Variants in LSM12 observed in about 807,000 individuals in gnomAD.
The protein encoded by LSM12 is protein LSM12.
For missense variants in LSM12, 108 were observed against 238.9 expected (o/e 0.45, Z 3.61); for synonymous variants, 74 against 87.3 (o/e 0.85, Z 0.85).
In LSM12 at chr17:44,054,984, G is replaced by A. The variant is rs1199889090; in HGVS notation, c.258+8817C>T. Among the ~76,000 whole-genome samples the A allele has an allele frequency of 2.6e-5, 4 of 151,822 alleles. No homozygotes were observed. In the South Asian group the frequency reaches 6.2e-4, roughly 24 times the overall value. On this transcript the variant is annotated intron_variant, in intron 2 of 4. Transcript: ENST00000293406. ...CTCCCAAGCAGCTGGGACTACAGGC[G>A]TGTGCCACCACGCCCGGCTAATTTT...
intron 2 of LSM12, 29 bp downstream of exon 2, chr17:44,063,772 G>A: frequency 6.3e-7 from 1 of 1,595,238 alleles, no homozygotes; most frequent in Non-Finnish European, 8.6e-7. Context: ...CACCATTTTA[G>A]AGAGCCAGAT....
chr17:44,055,434 G>A (rs2144100790), intron 2 of LSM12, among the ~76,000 whole-genome samples: 1 of 150,620 alleles, frequency 6.6e-6, no homozygotes, highest in East Asian at 2.0e-4. Context: ...GGCTGAGGTG[G>A]GTGGATCATC....
upstream of LSM12, chr17:44,067,297 C>T (rs2144123965): frequency 6.6e-6 from 1 of 152,446 alleles, no homozygotes; most frequent in Admixed American, 6.5e-5. Context: ...GAGACTCTGT[C>T]TCAAAACAAA....
At chr17:44,054,056 G>A (rs2049679324) in intron 2 of LSM12, among the ~76,000 whole-genome samples, 1 of 152,004 alleles carries the variant, frequency 6.6e-6, no homozygotes, top group Non-Finnish European at 1.5e-5. Context: ...GACTCACCTG[G>A]GCTCAGCAAT....
At chr17:44,061,390 C>T (rs1414254333) in intron 2 of LSM12, among the ~76,000 whole-genome samples, 2 of 150,188 alleles carry the variant, frequency 1.3e-5, no homozygotes, top group Non-Finnish European at 3.0e-5. Flanking sequence ...TTATAGAAGA[C>T]ACTCAAAGAG....
chr17:44,036,400 AG>A (rs1302509899), intron 4 of LSM12, 100 bp from the exon 5 acceptor site: 19 of 1,486,852 alleles, frequency 1.3e-5, no homozygotes, highest in Non-Finnish European at 1.7e-5. Context: ...CTGGCTGTCC[AG>A]CCCATTGGTG....
intron 2 of LSM12, among the ~76,000 whole-genome samples, chr17:44,051,055 C>CT: frequency 6.6e-6 from 1 of 152,028 alleles, no homozygotes; most frequent in African/African-American, 2.4e-5. Flanking sequence ...GGGCGGATCA[C>CT]GAGGTCAAGA....
intron 2 of LSM12, among the ~76,000 whole-genome samples, chr17:44,041,142 G>T (rs1464895616): frequency 6.6e-6 from 1 of 151,386 alleles, no homozygotes; most frequent in African/African-American, 2.4e-5. Context: ...ATGGTGGTGC[G>T]TGCCTGTAAT....
chr17:44,061,574 AG>A (rs966390885), intron 2 of LSM12, among the ~76,000 whole-genome samples: 21 of 152,232 alleles, frequency 1.4e-4, no homozygotes, highest in Non-Finnish European at 2.4e-4. Flanking sequence ...CTGACAAGAT[AG>A]GAACTCCAGA....
chr17:44,048,830 A>G (rs182142366), intron 2 of LSM12, among the ~76,000 whole-genome samples: 1 of 152,194 alleles, frequency 6.6e-6, no homozygotes, highest in South Asian at 2.1e-4. Flanking sequence ...CCCGTTTTAT[A>G]TATAGCACCT....
chr17:44,055,685 A>G (rs940968037), intron 2 of LSM12, among the ~76,000 whole-genome samples: 11 of 144,920 alleles, frequency 7.6e-5, no homozygotes, highest in Non-Finnish European at 1.6e-4. Flanking sequence ...AAATATATAT[A>G]TATAAAATAT....
At chr17:44,055,361 G>A (rs1219962841) in intron 2 of LSM12, among the ~76,000 whole-genome samples, 1 of 151,580 alleles carries the variant, frequency 6.6e-6, no homozygotes, top group African/African-American at 2.4e-5. Flanking sequence ...CAACATATTA[G>A]GGTCAAGATA....
At chr17:44,055,965 A>G (rs1249240648) in intron 2 of LSM12, among the ~76,000 whole-genome samples, 1 of 151,684 alleles carries the variant, frequency 6.6e-6, no homozygotes, top group Non-Finnish European at 1.5e-5. Flanking sequence ...TCAATGTGAC[A>G]TGATACCTAA....
chr17:44,054,175 T>C (rs1408183267), intron 2 of LSM12, among the ~76,000 whole-genome samples: 1 of 152,190 alleles, frequency 6.6e-6, no homozygotes, highest in Non-Finnish European at 1.5e-5. Context: ...AGCCCCACTT[T>C]GTCAGCAGAC....
chr17:44,038,896 T>C (rs1597882177), intron 3 of LSM12, among the ~76,000 whole-genome samples: 1 of 151,904 alleles, frequency 6.6e-6, no homozygotes, highest in East Asian at 1.9e-4. Context: ...CTCAAACAGC[T>C]CTGATGCCAG....
chr17:44,049,054 G>A (rs1414350762), intron 2 of LSM12, among the ~76,000 whole-genome samples: 1 of 151,990 alleles, frequency 6.6e-6, no homozygotes, highest in African/African-American at 2.4e-5. Context: ...CACCGGGCAT[G>A]GTGGTGTGCA....
intron 2 of LSM12, among the ~76,000 whole-genome samples, chr17:44,058,282 G>A (rs1176791489): frequency 1.3e-5 from 2 of 151,662 alleles, no homozygotes; most frequent in Non-Finnish European, 2.9e-5. Context: ...TAATTTGGGA[G>A]ACATTAACTA....
At chr17:44,039,365 C>CTTTTT (rs35411238) in intron 3 of LSM12, among the ~76,000 whole-genome samples, 5 of 51,054 alleles carry the variant, frequency 9.8e-5, no homozygotes, top group Admixed American at 2.8e-4. Flanking sequence ...AACAAAATGT[C>CTTTTT]TTTTTTTTTT....
At chr17:44,052,462 T>C (rs975707492) in intron 2 of LSM12, among the ~76,000 whole-genome samples, 2 of 151,886 alleles carry the variant, frequency 1.3e-5, no homozygotes, top group Admixed American at 6.6e-5. Flanking sequence ...GAACTTGTCT[T>C]TACAAAAACA....
Sources: gnomAD v4.1 joint callset for allele counts (sites outside exome capture counted in the v4.1 genomes callset) on GRCh38, gnomAD v4.1.1 for gene constraint, MANE v1.5 for transcripts, NCBI Gene and HGNC (gene_info 2026-07-23, HGNC 2026-07-21) for gene names.